The following GSTT4 variants were observed in gnomAD, a reference collection of about 807,000 sequenced individuals.
GSTT4 encodes glutathione S-transferase theta 4.
At chr22:24,003,664 G>C (rs572679642) in intron 2 of GSTT4, 96 bp downstream of exon 2, 2 of 154,896 alleles carry the variant, frequency 1.3e-5, no homozygotes, top group Non-Finnish European at 2.9e-5. Context: ...TTTAGTGCAC[G>C]TGTGAGATTT....
intron 4 of GSTT4, among the ~76,000 whole-genome samples, chr22:23,999,861 G>A (rs1353881508): frequency 6.6e-6 from 1 of 152,054 alleles, no homozygotes; most frequent in Non-Finnish European, 1.5e-5. Flanking sequence ...TCTTTGTCAA[G>A]TGTGGAGAAC....
intron 2 of GSTT4, among the ~76,000 whole-genome samples, chr22:24,003,140 C>T (rs981739428): frequency 2.8e-5 from 4 of 140,406 alleles, no homozygotes; most frequent in African/African-American, 1.0e-4. Flanking sequence ...CAGCCTGTTG[C>T]TTTTTTTTTG....
At chr22:24,002,510 A>G (rs587664463) in intron 2 of GSTT4, among the ~76,000 whole-genome samples, 1 of 152,390 alleles carries the variant, frequency 6.6e-6, no homozygotes, top group South Asian at 2.1e-4. Flanking sequence ...AAAAAGTGGC[A>G]GGAGAGACAG....
chr22:23,993,134 T>C, the GSTT4 span, among the ~76,000 whole-genome samples: 1 of 152,178 alleles, frequency 6.6e-6, no homozygotes, highest in African/African-American at 2.4e-5. Flanking sequence ...TACACTCCAA[T>C]TTACTCAAGA....
At chr22:23,991,084 G>A in the GSTT4 span, among the ~76,000 whole-genome samples, 1 of 84,466 alleles carries the variant, frequency 1.2e-5, no homozygotes, top group Non-Finnish European at 2.7e-5. Context: ...GGGCTGAGGC[G>A]GGAGGATCGC....
At chr22:23,990,453 C>CAAAAAAGAAAAAAAAAA in the GSTT4 span, among the ~76,000 whole-genome samples, 1 of 29,996 alleles carries the variant, frequency 3.3e-5, no homozygotes, top group African/African-American at 2.0e-4. Flanking sequence ...CTACACACAC[C>CAAAAAAGAAAAAAAAAA]AAAAAAAAAA....
chr22:23,996,231 C>T (rs190534767), downstream of GSTT4, among the ~76,000 whole-genome samples: 3 of 152,068 alleles, frequency 2.0e-5, no homozygotes, highest in African/African-American at 4.8e-5. Flanking sequence ...TGTGAGCCAC[C>T]GTGCCCAGCC....
rs1180497743 is a variant in GSTT4 at position 24,000,550 on chromosome 22, C to T, written c.352-299G>A. On this transcript the variant is annotated intron_variant, in intron 3 of 4. Coordinates refer to ENST00000621179, the MANE Select transcript of GSTT4 (RefSeq NM_001358664.2). ...TTGTCATCTTCTAATTTTCTATAGG[C>T]CATACTCTTTTTTGTTTTTGTTTTT... Among the ~76,000 whole-genome samples the T allele has an allele frequency of 2.5e-5, 3 of 122,434 alleles. No homozygotes were observed. The East Asian group carries it at 6.2e-4, about 25-fold the overall frequency. 80.3% of individuals were successfully genotyped at this position (122,434 alleles called of 152,430 possible).
At chr22:23,998,086 A>G (rs1389936644), downstream of GSTT4, among the ~76,000 whole-genome samples, 2 of 152,166 alleles carry the variant, frequency 1.3e-5, no homozygotes, top group Non-Finnish European at 2.9e-5. Flanking sequence ...TATATGCTCT[A>G]TACTGGAGAA....
rs961077543 is a variant in GSTT4 at position 23,998,437 on chromosome 22, GTTGTTTTT to G, written c.*97_*104del. On this transcript the variant is annotated 3_prime_UTR_variant, in exon 5 of 5. Transcript: ENST00000621179. ...CCAGTTCTTTATTAGGCAAAGAACAGTTGTTTTTTTGTTTTTTTGTTTTTTTTTTTTTA... is the reference window on the plus strand; with the variant it reads ...CCAGTTCTTTATTAGGCAAAGAACAGTTGTTTTTTTGTTTTTTTTTTTTTA... The G allele has an allele frequency of 2.3e-4, 34 of 146,832 alleles. No individual in the cohort carries two copies. The highest frequency in any genetic ancestry group is 6.9e-4 in the African/African-American group (27 of 39,328). The allele number at this position is 146,832 out of a possible 1,614,324, so 9.1% of individuals were successfully genotyped here. A position where few individuals can be genotyped will look rare whatever the true frequency, so the allele number is the denominator to read the frequency against.
the GSTT4 span, among the ~76,000 whole-genome samples, chr22:23,990,653 T>TAAATAAATAAATAAATAAAC: frequency 5.3e-5 from 3 of 56,828 alleles, no homozygotes; most frequent in African/African-American, 1.8e-4. Context: ...AATAAATAAA[T>TAAATAAATAAATAAATAAAC]AAACAAACAA....
Position 24,002,043 on chromosome 22 carries a change from G to A in GSTT4, c.201-718C>T, listed in dbSNP as rs1252159702. 9.2e-5 allele frequency among the ~76,000 whole-genome samples: 14 copies of A among 152,362 alleles called. No individual in the cohort carries two copies. The East Asian group carries it at 2.7e-3, about 29-fold the overall frequency. ...TGAAATACGAGGGTAAAGGGAGCAA[G>A]GTAAATCTGAAGAAAAGAGAGTAGG... On this transcript the variant is annotated intron_variant, in intron 2 of 4. Transcript: ENST00000621179.
At chr22:23,997,209 T>C (rs1160738084), downstream of GSTT4, among the ~76,000 whole-genome samples, 3 of 152,074 alleles carry the variant, frequency 2.0e-5, no homozygotes, top group Admixed American at 6.5e-5. Flanking sequence ...CATTTCATTT[T>C]TTCATTTTTG....
At chr22:23,996,375 C>T (rs1000449967), downstream of GSTT4, among the ~76,000 whole-genome samples, 4 of 152,232 alleles carry the variant, frequency 2.6e-5, no homozygotes, top group Admixed American at 1.3e-4. Flanking sequence ...TGCCTAATTG[C>T]CCTAATAAGT....
rs1361368777 is a variant in GSTT4, at chr22:23,999,221, A to G, written c.529-482T>C. Among the ~76,000 whole-genome samples the G allele has an allele frequency of 2.0e-5, 3 of 151,662 alleles. No homozygotes were observed. In the East Asian group the frequency reaches 5.8e-4, roughly 29 times the overall value. On this transcript the variant is annotated intron_variant, in intron 4 of 4. Transcript: ENST00000621179. ...TTACTAAGAGTTTGGTTTGCACCCA[A>G]GATCTTTGGGAAGCCCAAGAATGGG...
At chr22:23,996,375 C>A (rs1000449967), downstream of GSTT4, among the ~76,000 whole-genome samples, 1 of 152,114 alleles carries the variant, frequency 6.6e-6, no homozygotes, top group Non-Finnish European at 1.5e-5. Flanking sequence ...TGCCTAATTG[C>A]CCTAATAAGT....
the GSTT4 span, chr22:23,991,303 C>T: frequency 9.1e-6 from 1 of 110,024 alleles, no homozygotes; most frequent in African/African-American, 2.8e-5. Flanking sequence ...GGATTCGTGG[C>T]CAATATCCCC....
In GSTT4 at chr22:24,000,235, A is replaced by G. The variant is rs1404204623; in HGVS notation, c.368T>C (p.Ile123Thr). The G allele has an allele frequency of 6.5e-6, 1 of 153,672 alleles. No individual in the cohort carries two copies. The highest frequency in any genetic ancestry group is 1.5e-5 in the Non-Finnish European group (1 of 68,046). 9.5% of individuals were successfully genotyped at this position (153,672 alleles called of 1,614,324 possible). A position where few individuals can be genotyped will look rare whatever the true frequency, so the allele number is the denominator to read the frequency against. The change falls in exon 4 of 5, where the codon ATA becomes ACA. Residue 123 changes from isoleucine (I) to threonine (T), a missense_variant. Physicochemically the swap from Ile to Thr is moderately conservative, Grantham distance 89. Transcript: ENST00000621179. Reference protein sequence around the residue: ...IVWLKLLIPKITGEEVSAEKM... With the variant: ...IVWLKLLIPKTTGEEVSAEKM... ...CTCAGCTGAAACTTCCTCCCCTGTT[A>G]TCTTTGGGATCAGCAACTGGCCAGG...
intron 4 of GSTT4, among the ~76,000 whole-genome samples, chr22:23,999,253 T>G (rs958825517): frequency 6.6e-6 from 1 of 152,046 alleles, no homozygotes; most frequent in Non-Finnish European, 1.5e-5. Flanking sequence ...TGGGTGTGTG[T>G]GGGTGAAATG....
Sources: gnomAD v4.1 joint callset for allele counts (sites outside exome capture counted in the v4.1 genomes callset) on GRCh38, gnomAD v4.1.1 for gene constraint, MANE v1.5 for transcripts, NCBI Gene and HGNC (gene_info 2026-07-23, HGNC 2026-07-21) for gene names.